SEC31B: variants seen among roughly 807,000 people sequenced by gnomAD.
The protein encoded by SEC31B is SEC31 homolog B, COPII component.
SEC31B carries 113 observed loss-of-function variants against 135.0 expected under a neutral mutation model. The ratio of observed to expected loss-of-function variants is 0.84; its 90% CI spans 0.72 to 0.98. The LOEUF is 0.98. SEC31B is among the 50% of genes least tolerant of loss of function. The pLI, the probability that SEC31B is intolerant of heterozygous loss-of-function variation, is 0.00. For missense variants in SEC31B, 1,296 were observed against 1,421.1 expected (o/e 0.91, Z 1.42); for synonymous variants, 508 against 549.4 (o/e 0.92, Z 1.05).
At chr10:100,499,461 C>T in intron 12 of SEC31B, 63 bp downstream of exon 12, 1 of 1,387,980 alleles carries the variant, frequency 7.2e-7, no homozygotes, top group Non-Finnish European at 1.0e-6. Flanking sequence ...AGGTGGTTTA[C>T]TCTGGCAACA....
Position 100,495,520 on chromosome 10 carries a change from C to G in SEC31B, c.2337G>C (p.Arg779=). 6.2e-7 allele frequency: 1 copy of G among 1,613,814 alleles called. No homozygotes were observed. ...CAGCAGAACCTTGAGCATGAAAAAG[C>G]CGATCTCTTAGCTGCTGAACTGGTG... ...AQPPVQQLRD[R]LFHAQGSAVL... The change falls in exon 19 of 26, where the codon CGG becomes CGC. Residue 779 remains arginine, a synonymous_variant. Coordinates refer to ENST00000370345, the MANE Select transcript of SEC31B (RefSeq NM_015490.4).
At chr10:100,488,745 G>C in intron 24 of SEC31B, 113 bp downstream of exon 24, 1 of 1,358,000 alleles carries the variant, frequency 7.4e-7, no homozygotes, top group Non-Finnish European at 9.9e-7. Context: ...GATAGAGACA[G>C]CATGTCCAGG....
chr10:100,498,595 T>C (rs931874614), intron 14 of SEC31B, 110 bp downstream of exon 14: 5 of 747,864 alleles, frequency 6.7e-6, no homozygotes, highest in Non-Finnish European at 1.1e-5. Context: ...TTTGAGACGG[T>C]GGGAGGAAGG....
chr10:100,508,802 C>T, intron 5 of SEC31B: 1 of 590,018 alleles, frequency 1.7e-6, no homozygotes, highest in East Asian at 2.9e-5. Context: ...GTAATGAGCA[C>T]AAACCAACTA....
intron 19 of SEC31B, 60 bp downstream of exon 19, chr10:100,495,325 C>T (rs754243328): frequency 1.4e-6 from 2 of 1,475,762 alleles, no homozygotes; most frequent in East Asian, 4.6e-5. Context: ...TCCAAGTGCC[C>T]AGAACCATGC....
At chr10:100,510,166 T>C (rs564754813) in intron 3 of SEC31B, among the ~76,000 whole-genome samples, 1 of 152,340 alleles carries the variant, frequency 6.6e-6, no homozygotes, top group East Asian at 1.9e-4. Context: ...TACTGTCTCC[T>C]ATTGAGAGAA....
chr10:100,499,109 G>T (rs751508382), intron 13 of SEC31B, 51 bp downstream of exon 13: 1 of 1,468,338 alleles, frequency 6.8e-7, no homozygotes, highest in African/African-American at 1.4e-5. Flanking sequence ...ATGCCCAAAA[G>T]GCAGGTTTCC....
intron 19 of SEC31B, among the ~76,000 whole-genome samples, chr10:100,494,401 T>C (rs1236150756): frequency 2.0e-5 from 3 of 152,204 alleles, no homozygotes; most frequent in East Asian, 1.9e-4. Context: ...CAGCTAATTA[T>C]GTCACTCTTC....
intron 15 of SEC31B, 69 bp downstream of exon 15, chr10:100,497,960 G>A (rs534627297): frequency 1.4e-5 from 22 of 1,578,860 alleles, no homozygotes; most frequent in Non-Finnish European, 1.8e-5. Flanking sequence ...TGGGTCCCAA[G>A]GTGTGGGTAT....
At chr10:100,496,159 G>C in intron 18 of SEC31B, 99 bp downstream of exon 18, 1 of 1,278,898 alleles carries the variant, frequency 7.8e-7, no homozygotes, top group Non-Finnish European at 1.1e-6. Flanking sequence ...TCTATCCTAG[G>C]AGCTTCAGCA....
intron 3 of SEC31B, among the ~76,000 whole-genome samples, chr10:100,511,850 G>T (rs1415019766): frequency 6.6e-6 from 1 of 152,206 alleles, no homozygotes; most frequent in Admixed American, 6.5e-5. Context: ...AATGAATGGA[G>T]CATTGGTTGT....
Position 100,505,572 on chromosome 10 carries a change from G to A in SEC31B, c.1045-77C>T, listed in dbSNP as rs74154664. 2,437 of 1,500,090 alleles carry A rather than the reference G, an allele frequency of 1.6e-3. 35 individuals carry two copies. The African/African-American group carries it at 0.031, about 19-fold the overall frequency. The allele number at this position is 1,500,090 out of a possible 1,614,324, so 92.9% of individuals were successfully genotyped here. On this transcript the variant is annotated intron_variant, in intron 9 of 25. Transcript: ENST00000370345. ...GAACTCCACCTACAAACTCCATTTT[G>A]GGAGGAATCCTTGAGACACCCAATT...
At chr10:100,497,325 T>A (rs778257613) in intron 16 of SEC31B, 45 bp from the exon 17 acceptor site, 1 of 1,602,542 alleles carries the variant, frequency 6.2e-7, no homozygotes, top group South Asian at 1.1e-5. Flanking sequence ...CTGCCCTGTG[T>A]GCCTCTCCTT....
intron 18 of SEC31B, 90 bp downstream of exon 18, chr10:100,496,168 C>A: frequency 7.2e-7 from 1 of 1,384,904 alleles, no homozygotes; most frequent in South Asian, 1.3e-5. Context: ...GGAGCTTCAG[C>A]ATTAGCATAG....
At position 100,507,995 on chromosome 10, in the gene SEC31B, CAG is replaced by C. The variant is rs1772832408; in HGVS notation, c.550_551del (p.Leu184ValfsTer18). 2 of 1,614,202 alleles carry C rather than the reference CAG, an allele frequency of 1.2e-6. No individual in the cohort carries two copies. Among genetic ancestry groups the C allele is most frequent in the South Asian group, 2.2e-5 (2 of 91,082 alleles). On this transcript the variant is annotated frameshift_variant, in exon 6 of 26. Transcript: ENST00000370345. LOFTEE classifies it high-confidence loss of function. ...CCTTGCCACTGGGGTGAGCAGAAGA[CAG>C]AATGTGTTGGGCTTGCCGGTTCCAA... ...LSWNRQAQHI[L>X]SSAHPSGKAV...
At chr10:100,488,769 G>A in intron 24 of SEC31B, 89 bp downstream of exon 24, 1 of 1,449,672 alleles carries the variant, frequency 6.9e-7, no homozygotes, top group African/African-American at 1.4e-5. Context: ...AGTGAGAAGA[G>A]AGTCACACAA....
chr10:100,494,676 G>T (rs576391796), intron 19 of SEC31B, among the ~76,000 whole-genome samples: 2 of 152,222 alleles, frequency 1.3e-5, no homozygotes, highest in South Asian at 2.1e-4. Context: ...TTTAATCTTT[G>T]AAACTCTGAT....
chr10:100,499,482 C>G, intron 12 of SEC31B, 42 bp downstream of exon 12: 1 of 1,495,108 alleles, frequency 6.7e-7, no homozygotes, highest in Non-Finnish European at 9.2e-7. Flanking sequence ...TTCTCTTCTT[C>G]TCTTCAACAA....
intron 3 of SEC31B, among the ~76,000 whole-genome samples, chr10:100,514,037 T>C (rs1342717644): frequency 6.6e-6 from 1 of 151,668 alleles, no homozygotes; most frequent in Non-Finnish European, 1.5e-5. Context: ...ATACAAAAAT[T>C]AGCTGGGCAT....
Sources: gnomAD v4.1 joint callset for allele counts (sites outside exome capture counted in the v4.1 genomes callset) on GRCh38, gnomAD v4.1.1 for gene constraint, MANE v1.5 for transcripts, NCBI Gene and HGNC (gene_info 2026-07-23, HGNC 2026-07-21) for gene names.